PCF11: variants seen among roughly 807,000 people sequenced by gnomAD.
PCF11 encodes the protein pre-mRNA cleavage complex 2 protein Pcf11.
In PCF11, 19 loss-of-function variants were observed where a neutral mutation model predicts 166.1. The ratio of observed to expected loss-of-function variants is 0.11; its 90% CI spans 0.08 to 0.17. The LOEUF (loss-of-function observed/expected upper bound fraction) is 0.17. PCF11 is among the 10% of genes least tolerant of loss of function. PCF11 has a pLI of 1.00. For synonymous variants in PCF11, 663 were observed against 644.1 expected (o/e 1.03, Z -0.44); for missense variants, 1,565 against 1,855.5 (o/e 0.84, Z 2.88).
exon 5 of PCF11, chr11:83,166,562 A>G (rs773530551): frequency 2.5e-5 from 40 of 1,613,898 alleles, no homozygotes; most frequent in Middle Eastern, 1.6e-4. Flanking sequence ...TTCGGGATCC[A>G]AGGCGAATGA....
chr11:83,163,972 A>G (rs1860354345), intron 3 of PCF11, 105 bp downstream of exon 3: 1 of 593,348 alleles, frequency 1.7e-6, no homozygotes, highest in Non-Finnish European at 2.8e-6. Context: ...CTCGGTAGTG[A>G]ATTGGTTCAA....
At chr11:83,185,001 G>C (rs1178966925) in exon 16 of PCF11, 1 of 675,888 alleles carries the variant, frequency 1.5e-6, no homozygotes, top group Non-Finnish European at 2.4e-6. Flanking sequence ...AAATTGTCTG[G>C]CTGAGGCAGG....
intron 8 of PCF11, 60 bp downstream of exon 8, chr11:83,170,055 T>C: frequency 7.3e-7 from 1 of 1,373,100 alleles, no homozygotes; most frequent in South Asian, 1.5e-5. Context: ...TTTTAATGTT[T>C]CTAGGAGGGT....
chr11:83,169,312 A>G (rs776896986), exon 8 of PCF11: 3 of 1,611,748 alleles, frequency 1.9e-6, no homozygotes, highest in African/African-American at 1.3e-5. Flanking sequence ...AGGGGTTGGT[A>G]TCAGGTTTGA....
intron 11 of PCF11, among the ~76,000 whole-genome samples, chr11:83,179,480 G>C (rs1383411081): frequency 1.3e-5 from 2 of 151,938 alleles, no homozygotes; most frequent in African/African-American, 2.4e-5. Flanking sequence ...GAACTCCTGG[G>C]CTCAAGTCAT....
At chr11:83,182,232 C>A (rs1160621068) in intron 13 of PCF11, among the ~76,000 whole-genome samples, 167 bp from the exon 14 acceptor site, 1 of 152,220 alleles carries the variant, frequency 6.6e-6, no homozygotes, top group Non-Finnish European at 1.5e-5. Context: ...GAAAGATTGA[C>A]AGAATCCCAT....
intron 5 of PCF11, 100 bp downstream of exon 5, chr11:83,166,814 C>T (rs1418918573): frequency 2.0e-6 from 2 of 994,676 alleles, no homozygotes; most frequent in African/African-American, 1.6e-5. Context: ...GCTATTAGTA[C>T]TTTTTTTCCA....
chr11:83,160,952 C>G (rs1221413005), intron 1 of PCF11, among the ~76,000 whole-genome samples: 1 of 152,172 alleles, frequency 6.6e-6, no homozygotes, highest in Non-Finnish European at 1.5e-5. Context: ...TGTAGGCACA[C>G]CGTTGTAAGT....
intron 1 of PCF11, 55 bp downstream of exon 1, chr11:83,157,686 T>A: frequency 6.7e-7 from 1 of 1,488,444 alleles, no homozygotes; most frequent in Non-Finnish European, 9.4e-7. Flanking sequence ...GATTTTAGTG[T>A]CAGCCTCATC....
At chr11:83,170,789 T>C (rs1860661391) in intron 8 of PCF11, among the ~76,000 whole-genome samples, 1 of 152,218 alleles carries the variant, frequency 6.6e-6, no homozygotes, top group South Asian at 2.1e-4. Context: ...ATTTATTTTA[T>C]AGTAGTAAGA....
intron 11 of PCF11, among the ~76,000 whole-genome samples, chr11:83,178,792 G>A (rs747697233): frequency 4.0e-5 from 6 of 148,840 alleles, no homozygotes; most frequent in Non-Finnish European, 7.4e-5. Flanking sequence ...CAGCCTGGGC[G>A]AAAGAGCGAG....
exon 5 of PCF11, chr11:83,165,710 G>A (rs189029464): frequency 3.7e-6 from 6 of 1,613,766 alleles, no homozygotes; most frequent in Non-Finnish European, 5.1e-6. Context: ...CTCCTCATCA[G>A]GTTCCTGTGC....
intron 2 of PCF11, among the ~76,000 whole-genome samples, chr11:83,163,333 T>A (rs1399730125): frequency 6.6e-6 from 1 of 152,150 alleles, no homozygotes; most frequent in African/African-American, 2.4e-5. Context: ...TTTTTCTAGT[T>A]GTTTTATATT....
At chr11:83,157,456 C>T (rs1004564163) in exon 1 of PCF11, 6 of 1,610,530 alleles carry the variant, frequency 3.7e-6, no homozygotes, top group South Asian at 3.3e-5. Context: ...GAGCAGACGC[C>T]GGCCGAGGCC....
chr11:83,181,121 A>G, exon 12 of PCF11: 1 of 1,611,068 alleles, frequency 6.2e-7, no homozygotes, highest in Non-Finnish European at 8.5e-7. Context: ...GACTGGCATT[A>G]TCGGCAAAAT....
At chr11:83,171,686 A>C in intron 8 of PCF11, 132 bp from the exon 9 acceptor site, 1 of 664,046 alleles carries the variant, frequency 1.5e-6, no homozygotes, top group Non-Finnish European at 2.7e-6. Context: ...GATGCAGCCA[A>C]GTTATCTTTC....
In PCF11 at chr11:83,164,267, A is replaced by G. The variant is rs138513585; in HGVS notation, c.568A>G (p.Ile190Val). ...TTCCCCTAGCATCTCCACTCCTCCA[A>G]TTGTTCCTGATATACAAAAGAATCT... is the stretch of plus-strand genomic sequence containing the variant. The change falls in exon 4 of 16, where the codon ATT becomes GTT. Residue 190 changes from isoleucine (I) to valine (V), a missense_variant. Around this residue, in one of 12 missense-constraint regions of PCF11, gnomAD observed 71 missense variants for 62.9 expected, o/e 1.13. Transcript: ENST00000298281. 752 of 1,613,728 alleles carry G rather than the reference A, an allele frequency of 4.7e-4. 2 individuals carry two copies. Among genetic ancestry groups the G allele is most frequent in the African/African-American group, 3.2e-3 (237 of 75,026 alleles).
intron 1 of PCF11, 72 bp downstream of exon 1, chr11:83,157,703 C>T (rs1860046115): frequency 1.5e-6 from 2 of 1,367,950 alleles, no homozygotes; most frequent in South Asian, 1.2e-5. Context: ...CATCCCAGGT[C>T]TCGCTTCCAT....
exon 1 of PCF11, chr11:83,157,303 C>T (rs755951179): frequency 1.6e-5 from 12 of 728,452 alleles, no homozygotes; most frequent in African/African-American, 8.9e-5. Context: ...TCCCCCATCC[C>T]CCCTCCGCGG....
Sources: gnomAD v4.1 joint callset for allele counts (sites outside exome capture counted in the v4.1 genomes callset) on GRCh38, gnomAD v4.1.1 for gene constraint, gnomAD v4.1.1 regional missense constraint, MANE v1.5 for transcripts, NCBI Gene and HGNC (gene_info 2026-07-23, HGNC 2026-07-21) for gene names.